FOXN4: variants seen among roughly 807,000 people sequenced by gnomAD.
FOXN4 encodes the protein forkhead box protein N4.
FOXN4 carries 12 observed loss-of-function variants against 45.0 expected under a neutral mutation model. That is an observed-to-expected ratio of 0.27 (90% CI 0.17 to 0.43). The LOEUF (loss-of-function observed/expected upper bound fraction) is 0.43, where lower values mean the gene tolerates loss of function less well. Ranked by LOEUF, FOXN4 falls within the 20% of genes least tolerant of loss-of-function variation. The probability of loss-of-function intolerance (pLI) is 1.00; values close to 1 mark genes in which losing one functional copy is unlikely to be tolerated. For synonymous variants in FOXN4, 297 were observed against 295.0 expected (o/e 1.01, Z -0.07); for missense variants, 560 against 694.9 (o/e 0.81, Z 2.18).
chr12:109,285,553 C>T lies in FOXN4; in HGVS notation c.694-42G>A, dbSNP rs200263478. On this transcript the variant is annotated intron_variant, in intron 7 of 9. Transcript: ENST00000299162. ...GCATTCAGAGGCCTCCCTGTAAGCCCTTCCCCCTACCCCGGGGATCTCCTA... is the reference window on the plus strand; with the variant it reads ...GCATTCAGAGGCCTCCCTGTAAGCCTTTCCCCCTACCCCGGGGATCTCCTA... The T allele has an allele frequency of 5.6e-4, 896 of 1,607,832 alleles. 4 individuals are homozygous for T. In the African/African-American group the frequency reaches 9.7e-3, roughly 17 times the overall value.
chr12:109,307,002 G>A (rs1019374144), intron 2 of FOXN4, among the ~76,000 whole-genome samples: 3 of 152,172 alleles, frequency 2.0e-5, no homozygotes, highest in Non-Finnish European at 2.9e-5. Context: ...GCAACCTCCC[G>A]AGATGAGGTG....
rs752888253 is a variant in FOXN4, at chr12:109,279,923, C to CA, written c.1301dup (p.Trp435ValfsTer7). 1.2e-6 allele frequency: 2 copies of CA among 1,613,918 alleles called. No homozygotes were observed. Among genetic ancestry groups the CA allele is most frequent in the Non-Finnish European group, 8.5e-7 (1 of 1,179,828 alleles). Reference sequence around the variant, plus strand: ...ATCCCTCATCCTTCATCTCCTCCCACAGGTTCCCTTTCAAAGACAAAAGCA... The same window carrying CA: ...ATCCCTCATCCTTCATCTCCTCCCACAAGGTTCCCTTTCAAAGACAAAAGCA... On this transcript the variant is annotated frameshift_variant, in exon 10 of 10. Transcript: ENST00000299162. LOFTEE classifies it high-confidence loss of function.
At chr12:109,305,839 A>G (rs1049650535) in intron 2 of FOXN4, among the ~76,000 whole-genome samples, 9 of 152,146 alleles carry the variant, frequency 5.9e-5, no homozygotes, top group South Asian at 4.1e-4. Flanking sequence ...GCACCTCTGG[A>G]TCCAGTGCTG....
In FOXN4 at chr12:109,285,344, C is replaced by T. The variant is rs775254023; in HGVS notation, c.861G>A (p.Arg287=). 1 of 1,613,468 alleles carries T rather than the reference C, an allele frequency of 6.2e-7. No individual in the cohort carries two copies. The highest frequency in any genetic ancestry group is 1.1e-5 in the South Asian group (1 of 91,018). The change falls in exon 8 of 10, where the codon AGG becomes AGA. Residue 287 remains arginine (R), a synonymous_variant. Coordinates refer to ENST00000299162, the MANE Select transcript of FOXN4 (RefSeq NM_213596.3). The part of the protein sequence containing the change: ...KMEEEMHKWK[R]KDLAAIHRSM... Reference sequence around the variant, plus strand: ...TCCGGTGGATGGCAGCCAGGTCCTTCCTCTTCCACTTGTGCATCTCCTCCT... The same window carrying T: ...TCCGGTGGATGGCAGCCAGGTCCTTTCTCTTCCACTTGTGCATCTCCTCCT...
chr12:109,307,145 A>G (rs777642655), intron 2 of FOXN4, among the ~76,000 whole-genome samples: 13 of 152,240 alleles, frequency 8.5e-5, no homozygotes, highest in Admixed American at 2.0e-4. Context: ...GGCAGCTTCC[A>G]GGCCCACAGC....
chr12:109,293,311 C>T lies in FOXN4; in HGVS notation c.87-3025G>A, dbSNP rs138170949. 3.9e-3 allele frequency among the ~76,000 whole-genome samples: 589 copies of T among 152,312 alleles called. 1 individual carries two copies. Among genetic ancestry groups the T allele is most frequent in the Non-Finnish European group, 4.5e-3 (308 of 68,030 alleles). On this transcript the variant is annotated intron_variant, in intron 2 of 9. Transcript: ENST00000299162. ...CCTGCTACCCCGAGAGCAGCACCTC[C>T]GCTGGGAAGCCTTTGCCACCCAGAC... is the stretch of plus-strand genomic sequence containing the variant.
chr12:109,285,645 C>T (rs937820791), intron 7 of FOXN4, 134 bp from the exon 8 acceptor site: 1 of 913,232 alleles, frequency 1.1e-6, no homozygotes, highest in African/African-American at 1.6e-5. Context: ...CACTCAGCCT[C>T]AAGTTGGAGA....
At chr12:109,303,890 A>G (rs2047888705) in intron 2 of FOXN4, among the ~76,000 whole-genome samples, 1 of 152,116 alleles carries the variant, frequency 6.6e-6, no homozygotes, top group Non-Finnish European at 1.5e-5. Context: ...GGATAATGTC[A>G]GTACCTGTCT....
At chr12:109,301,842 TC>T (rs1193971546) in intron 2 of FOXN4, among the ~76,000 whole-genome samples, 1 of 152,196 alleles carries the variant, frequency 6.6e-6, no homozygotes, top group Non-Finnish European at 1.5e-5. Flanking sequence ...TTACATACTC[TC>T]AAGTATGAAA....
intron 2 of FOXN4, among the ~76,000 whole-genome samples, chr12:109,302,424 G>C (rs1266997574): frequency 1.3e-5 from 2 of 152,198 alleles, no homozygotes; most frequent in Non-Finnish European, 2.9e-5. Flanking sequence ...TCCTTAGGTT[G>C]ATACAGCAAT....
chr12:109,284,184 G>C (rs1369539204), intron 8 of FOXN4, among the ~76,000 whole-genome samples: 1 of 152,244 alleles, frequency 6.6e-6, no homozygotes, highest in Non-Finnish European at 1.5e-5. Flanking sequence ...ACCCATGGTT[G>C]TGTAGTTTGG....
intron 2 of FOXN4, among the ~76,000 whole-genome samples, chr12:109,297,925 T>C (rs998535096): frequency 6.6e-6 from 1 of 152,138 alleles, no homozygotes; most frequent in Non-Finnish European, 1.5e-5. Flanking sequence ...TGGTCACACA[T>C]GGCCAGTGCA....
At chr12:109,283,995 T>C (rs1205629968) in intron 8 of FOXN4, among the ~76,000 whole-genome samples, 2 of 152,236 alleles carry the variant, frequency 1.3e-5, no homozygotes, top group East Asian at 1.9e-4. Flanking sequence ...AGTAGAATAA[T>C]TGGACCAATC....
intron 2 of FOXN4, among the ~76,000 whole-genome samples, chr12:109,306,044 C>T (rs748197198): frequency 9.9e-5 from 15 of 152,228 alleles, no homozygotes; most frequent in East Asian, 1.9e-4. Flanking sequence ...GTCAAGACTC[C>T]GGGGCTGAGT....
intron 2 of FOXN4, among the ~76,000 whole-genome samples, chr12:109,305,729 C>CAAAA (rs202089526): frequency 1.3e-5 from 2 of 151,664 alleles, no homozygotes; most frequent in Non-Finnish European, 2.9e-5. Context: ...CTCACACACA[C>CAAAA]AAAAAAAACA....
rs1033428630 is a variant in FOXN4, at chr12:109,309,072, G to C, written c.-4+47C>G. The C allele has an allele frequency of 6.6e-6, 1 of 152,126 alleles. No homozygotes were observed. The highest frequency in any genetic ancestry group is 1.5e-5 in the Non-Finnish European group (1 of 68,036). 9.4% of individuals were successfully genotyped at this position (152,126 alleles called of 1,614,324 possible). ...TCTCTACCCTGGAAATGCAATGCCC[G>C]GCATTGCCCGGGAGGAGGGAGCAAA... On this transcript the variant is annotated intron_variant, in intron 1 of 9. Coordinates refer to ENST00000299162, the MANE Select transcript of FOXN4 (RefSeq NM_213596.3). This position sits in a 1 kb window ranked among gnomAD's most constrained non-coding sequence, Gnocchi z 5.0.
Position 109,290,993 on chromosome 12 carries a change from G to A in FOXN4, c.87-707C>T, listed in dbSNP as rs527283250. On this transcript the variant is annotated intron_variant, in intron 2 of 9. Coordinates refer to ENST00000299162, the MANE Select transcript of FOXN4 (RefSeq NM_213596.3). The surrounding 1 kb of genome is among the most constrained non-coding windows in gnomAD (Gnocchi z 5.1). ...TGAGAAAACTGAGGCTTGGAGCACC[G>A]AGTCACCTGCCCAAGGCGACACAGA... Among the ~76,000 whole-genome samples the A allele has an allele frequency of 1.2e-4, 19 of 152,188 alleles. No individual in the cohort carries two copies. The South Asian group carries it at 2.1e-3, about 17-fold the overall frequency.
rs2047901342 is a variant in FOXN4, at chr12:109,304,295, GGA to G, written c.86+3939_86+3940del. Among the ~76,000 whole-genome samples the G allele has an allele frequency of 5.0e-3, 200 of 40,046 alleles. 7 individuals are homozygous for G. The highest frequency in any genetic ancestry group is 0.011 in the Admixed American group (36 of 3,138). 26.3% of individuals were successfully genotyped at this position (40,046 alleles called of 152,430 possible). A position where few individuals can be genotyped will look rare whatever the true frequency, so the allele number is the denominator to read the frequency against. On this transcript the variant is annotated intron_variant, in intron 2 of 9. Transcript: ENST00000299162. Reference sequence around the variant, plus strand: ...AGAAAGAAAGAAAGAAAGAAAGAAAGGAGAAAGAAAGAAGGAAAGAAGGAAAG... The same window carrying G: ...AGAAAGAAAGAAAGAAAGAAAGAAAGGAAAGAAAGAAGGAAAGAAGGAAAG...
At chr12:109,282,574 G>A (rs1238939028) in intron 8 of FOXN4, among the ~76,000 whole-genome samples, 1 of 152,154 alleles carries the variant, frequency 6.6e-6, no homozygotes, top group Non-Finnish European at 1.5e-5. Flanking sequence ...CAAGAAGGAG[G>A]TAAGGCCGCG....
Sources: gnomAD v4.1 joint callset for allele counts (sites outside exome capture counted in the v4.1 genomes callset) on GRCh38, gnomAD v4.1.1 for gene constraint, Gnocchi (gnomAD v3.1) non-coding constraint, MANE v1.5 for transcripts, NCBI Gene and HGNC (gene_info 2026-07-23, HGNC 2026-07-21) for gene names.